PRRC2B: variants seen among roughly 807,000 people sequenced by gnomAD.
PRRC2B encodes the protein proline rich coiled-coil 2B, also known as protein PRRC2B.
In PRRC2B, 68 loss-of-function variants were observed where a neutral mutation model predicts 242.3. That is an observed-to-expected ratio of 0.28 (90% CI 0.23 to 0.34). The LOEUF is 0.34. Among genes scored for constraint, PRRC2B ranks in the 10% least tolerant of loss-of-function variants. PRRC2B has a pLI of 1.00. For synonymous variants in PRRC2B, 1,228 were observed against 1,173.6 expected (o/e 1.05, Z -0.95); for missense variants, 2,835 against 2,954.8 (o/e 0.96, Z 0.94).
Position 131,499,088 on chromosome 9 carries a change from A to ATCAGT in PRRC2B, c.*3222_*3226dup, listed in dbSNP as rs1343247133. ...ATGACTTTATTTCACATTCAAGAAA[A>ATCAGT]TCAGTTCAGTTCCAAAGCTGTGGTC... On this transcript the variant is annotated 3_prime_UTR_variant, in exon 32 of 32. Coordinates refer to ENST00000683519, the MANE Select transcript of PRRC2B (RefSeq NM_013318.4). 6.6e-6 allele frequency: 1 copy of ATCAGT among 152,242 alleles called. No individual in the cohort carries two copies. Among genetic ancestry groups the ATCAGT allele is most frequent in the African/African-American group, 2.4e-5 (1 of 41,464 alleles). The allele number at this position is 152,242 out of a possible 1,614,324, so 9.4% of individuals were successfully genotyped here. A position where few individuals can be genotyped will look rare whatever the true frequency, so the allele number is the denominator to read the frequency against.
chr9:131,483,780 C>T (rs1319418235), intron 23 of PRRC2B, among the ~76,000 whole-genome samples: 1 of 152,172 alleles, frequency 6.6e-6, no homozygotes, highest in African/African-American at 2.4e-5. Flanking sequence ...GAGGCCCCAT[C>T]TCACCATCCA....
At chr9:131,455,374 C>T (rs980165926) in intron 10 of PRRC2B, among the ~76,000 whole-genome samples, 11 of 152,060 alleles carry the variant, frequency 7.2e-5, no homozygotes, top group African/African-American at 2.2e-4. Context: ...TGTGCATAGT[C>T]GGCCTCTTCA....
At position 131,439,733 on chromosome 9, in the gene PRRC2B, G is replaced by T. The variant is rs1326364919; in HGVS notation, c.469+672G>T. On this transcript the variant is annotated intron_variant, in intron 5 of 31. Coordinates refer to ENST00000683519, the MANE Select transcript of PRRC2B (RefSeq NM_013318.4). ...CGATCAATGTGCCAATTGGATTTCAGTGCCCCAGCTTCTCCCAAGGGGCTG... is the reference window on the plus strand; with the variant it reads ...CGATCAATGTGCCAATTGGATTTCATTGCCCCAGCTTCTCCCAAGGGGCTG... Among the ~76,000 whole-genome samples the T allele has an allele frequency of 5.3e-5, 8 of 152,136 alleles. No individual in the cohort carries two copies. In the East Asian group the frequency reaches 1.5e-3, roughly 29 times the overall value.
intron 1 of PRRC2B, among the ~76,000 whole-genome samples, chr9:131,409,910 G>C (rs1837463295): frequency 6.6e-6 from 1 of 152,192 alleles, no homozygotes; most frequent in Non-Finnish European, 1.5e-5. Flanking sequence ...ATAGATTTTG[G>C]TTGCATTTGC....
intron 1 of PRRC2B, among the ~76,000 whole-genome samples, chr9:131,406,172 T>C (rs1837356487): frequency 6.6e-6 from 1 of 152,166 alleles, no homozygotes; most frequent in East Asian, 1.9e-4. Context: ...GGTTTCTAAT[T>C]ATGTGCTCAG....
chr9:131,480,368 T>A (rs1943822857), intron 19 of PRRC2B, among the ~76,000 whole-genome samples: 1 of 152,226 alleles, frequency 6.6e-6, no homozygotes, highest in South Asian at 2.1e-4. Flanking sequence ...TGATAAAACA[T>A]CAATAACACT....
At position 131,482,560 on chromosome 9, in the gene PRRC2B, A is replaced by G; in HGVS notation, c.5173A>G (p.Lys1725Glu). 1 of 1,590,766 alleles carries G rather than the reference A, an allele frequency of 6.3e-7. No individual in the cohort carries two copies. Among genetic ancestry groups the G allele is most frequent in the Non-Finnish European group, 8.6e-7 (1 of 1,165,456 alleles). ...KEQAPKPSEQ[K>E]DSEQGSGQSK... ...GCAGGCTCCAAAGCCATCTGAGCAG[A>G]AGGTAACCTGGACGTTCCAGTCACA... Residue 1725 changes from lysine (K) to glutamate (E), a missense_variant and splice_region_variant, in exon 21 of 32, where the codon AAG becomes GAG. Physicochemically the swap from Lys to Glu is moderately conservative, Grantham distance 56 (BLOSUM62 1). Transcript: ENST00000683519. The surrounding 1 kb of genome is among the most constrained non-coding windows in gnomAD (Gnocchi z 5.2).
chr9:131,464,221 C>T (rs1943327412), intron 11 of PRRC2B, among the ~76,000 whole-genome samples: 1 of 152,220 alleles, frequency 6.6e-6, no homozygotes, highest in South Asian at 2.1e-4. Context: ...GGATTACAGG[C>T]GTGAGCCACT....
intron 1 of PRRC2B, among the ~76,000 whole-genome samples, chr9:131,380,589 A>T (rs1836743708): frequency 6.6e-6 from 1 of 151,496 alleles, no homozygotes; most frequent in Admixed American, 6.6e-5. Flanking sequence ...CAAAAAAGAA[A>T]AAAAAAAAGG....
intron 3 of PRRC2B, among the ~76,000 whole-genome samples, chr9:131,433,675 C>T (rs762915540): frequency 4.6e-5 from 7 of 152,206 alleles, no homozygotes; most frequent in African/African-American, 7.2e-5. Flanking sequence ...GCCCTCCTGG[C>T]CTGCATCTCT....
At chr9:131,393,876 C>A (rs952492632), upstream of PRRC2B, among the ~76,000 whole-genome samples, 1 of 151,230 alleles carries the variant, frequency 6.6e-6, no homozygotes, top group Admixed American at 6.6e-5. Context: ...CCAGCCCCCT[C>A]CCAGCCCCCT....
In PRRC2B at chr9:131,478,584, G is replaced by A. The variant is rs187310869; in HGVS notation, c.4723G>A (p.Glu1575Lys). The A allele has an allele frequency of 6.4e-7, 1 of 1,570,368 alleles. No individual in the cohort carries two copies. Among genetic ancestry groups the A allele is most frequent in the Non-Finnish European group, 8.7e-7 (1 of 1,153,628 alleles). Residue 1575 changes from glutamate to lysine, a missense_variant, in exon 18 of 32, where the codon GAG becomes AAG. Physicochemically the swap from Glu to Lys is moderately conservative, Grantham distance 56. Transcript: ENST00000683519. Reference sequence around the variant, plus strand: ...GACCAAGAAGCAGCGCCGCCTGCTGGAGGAAGAGAGAAGAAAGAAGGAGCA... The same window carrying A: ...GACCAAGAAGCAGCGCCGCCTGCTGAAGGAAGAGAGAAGAAAGAAGGAGCA... The part of the protein sequence containing the change: ...VLTKKQRRLL[E>K]EERRKKEQAV...
At chr9:131,465,203 G>A in intron 12 of PRRC2B, 125 bp downstream of exon 12, 1 of 955,756 alleles carries the variant, frequency 1.0e-6, no homozygotes, top group South Asian at 1.8e-5. Context: ...GTATTGGGAA[G>A]CATCAGTTAT....
chr9:131,487,738 TG>T lies in PRRC2B; in HGVS notation c.5985-113del. 3 of 1,373,570 alleles carry T rather than the reference TG, an allele frequency of 2.2e-6. No homozygotes were observed. Among genetic ancestry groups the T allele is most frequent in the South Asian group, 1.4e-5 (1 of 69,570 alleles). 85.1% of individuals were successfully genotyped at this position (1,373,570 alleles called of 1,614,324 possible). ...ATCCTGGACCCTCTGAGTCGCGCTC[TG>T]GGGGTGGGGCCGGGGATCTGTGGTT... On this transcript the variant is annotated intron_variant, in intron 27 of 31. Coordinates refer to ENST00000683519, the MANE Select transcript of PRRC2B (RefSeq NM_013318.4). The surrounding 1 kb of genome is among the most constrained non-coding windows in gnomAD (Gnocchi z 5.3).
chr9:131,420,497 T>TTTCTTTCTTTC (rs1837801640), intron 1 of PRRC2B, among the ~76,000 whole-genome samples: 2 of 16,464 alleles, frequency 1.2e-4, no homozygotes, highest in Non-Finnish European at 3.0e-4. Flanking sequence ...TTCTTTCTTT[T>TTTCTTTCTTTC]TTTTTTTTTT....
intron 3 of PRRC2B, among the ~76,000 whole-genome samples, chr9:131,434,740 GT>G (rs1376748627): frequency 6.6e-6 from 1 of 152,148 alleles, no homozygotes; most frequent in Admixed American, 6.5e-5. Context: ...CACCAGGGGG[GT>G]GGCTGCCCTC....
In PRRC2B at chr9:131,420,497, T is replaced by TTTCTTTCGTTCGTTCGTTC. The variant is rs1837801640; in HGVS notation, c.-51-9595_-51-9594insCTTTCGTTCGTTCGTTCTT. Among the ~76,000 whole-genome samples, 17 of 16,468 alleles carry TTTCTTTCGTTCGTTCGTTC rather than the reference T, an allele frequency of 1.0e-3. 2 individuals carry two copies. Among genetic ancestry groups the TTTCTTTCGTTCGTTCGTTC allele is most frequent in the African/African-American group, 2.3e-3 (16 of 7,092 alleles). 10.8% of individuals were successfully genotyped at this position (16,468 alleles called of 152,430 possible). A position where few individuals can be genotyped will look rare whatever the true frequency, so the allele number is the denominator to read the frequency against. ...TCTTTCTTTCTTTCTTTCTTTCTTT[T>TTTCTTTCGTTCGTTCGTTC]TTTTTTTTTTTTTGAGATGGAGGCT... On this transcript the variant is annotated intron_variant, in intron 1 of 31. Transcript: ENST00000683519.
chr9:131,386,401 G>A (rs1242990498), intron 1 of PRRC2B, among the ~76,000 whole-genome samples: 2 of 150,370 alleles, frequency 1.3e-5, no homozygotes, highest in African/African-American at 4.9e-5. Flanking sequence ...ATAGGTGTGA[G>A]CCACTGCGCC....
At chr9:131,396,553 C>A (rs1375219023) in intron 1 of PRRC2B, among the ~76,000 whole-genome samples, 1 of 151,964 alleles carries the variant, frequency 6.6e-6, no homozygotes, top group Non-Finnish European at 1.5e-5. Flanking sequence ...CTCAGACATC[C>A]GACTTCAGGT....
Sources: allele counts gnomAD v4.1 joint callset (sites outside exome capture counted in the v4.1 genomes callset), GRCh38; gene constraint gnomAD v4.1.1; non-coding constraint Gnocchi (gnomAD v3.1); transcripts MANE v1.5; gene names NCBI Gene and HGNC (gene_info 2026-07-23, HGNC 2026-07-21).